Variants in TRPV3 observed in about 807,000 individuals in gnomAD.
The protein encoded by TRPV3 is VRL-3.
A neutral mutation model predicts 87.1 loss-of-function variants in TRPV3; 88 were observed. The ratio of observed to expected loss-of-function variants is 1.01; its 90% CI spans 0.85 to 1.21. TRPV3 has a LOEUF of 1.21. Among genes scored for constraint, TRPV3 ranks in the 50% most tolerant of loss-of-function variants. The pLI is 0.00. For missense variants in TRPV3, 1,054 were observed against 1,030.1 expected (o/e 1.02, Z -0.32); for synonymous variants, 438 against 423.3 (o/e 1.03, Z -0.43).
rs537488353 is a variant in TRPV3, at chr17:3,514,803, C to T, written c.2199-131G>A. The T allele has an allele frequency of 1.6e-5, 11 of 679,152 alleles. No individual in the cohort carries two copies. The South Asian group carries it at 1.9e-4, about 12-fold the overall frequency. The allele number at this position is 679,152 out of a possible 1,614,324, so 42.1% of individuals were successfully genotyped here. ...TCTGTCCTAGAGATCAGGAGCACCC[C>T]TGACCCGAGGGGTCACACCAAAGTT... On this transcript the variant is annotated intron_variant, in intron 16 of 17. Coordinates refer to ENST00000576742, the MANE Select transcript of TRPV3 (RefSeq NM_145068.4).
intron 7 of TRPV3, among the ~76,000 whole-genome samples, chr17:3,533,395 C>T (rs1255147559): frequency 6.6e-6 from 1 of 152,178 alleles, no homozygotes; most frequent in African/African-American, 2.4e-5. Context: ...CAAGTCCTTG[C>T]TCAAATGTCA....
chr17:3,530,267 C>T lies in TRPV3; in HGVS notation c.1066-64G>A, dbSNP rs978064902. On this transcript the variant is annotated intron_variant, in intron 8 of 17. Transcript: ENST00000576742. This position sits in a 1 kb window ranked among gnomAD's most constrained non-coding sequence, Gnocchi z 4.0. ...GGGGCTTAAGGCCAACAGGGCTGGA[C>T]CAGCCAGAGGCTGGCTGGGCCCAGG... 2.4e-4 allele frequency: 362 copies of T among 1,524,890 alleles called. No homozygotes were observed. The highest frequency in any genetic ancestry group is 3.1e-4 in the Non-Finnish European group (355 of 1,127,636). The allele number at this position is 1,524,890 out of a possible 1,614,324, so 94.5% of individuals were successfully genotyped here. A position where few individuals can be genotyped will look rare whatever the true frequency, so the allele number is the denominator to read the frequency against.
intron 15 of TRPV3, among the ~76,000 whole-genome samples, chr17:3,517,414 T>C (rs902068587): frequency 6.6e-6 from 1 of 151,358 alleles, no homozygotes; most frequent in East Asian, 1.9e-4. Flanking sequence ...AGCTCAGGAG[T>C]AAGCGGCCAG....
Position 3,530,259 on chromosome 17 carries a change from GGGCTGGACCAGCCAGAGGCTGGCT to G in TRPV3, c.1066-80_1066-57del. ...GCAGAACAGGGGCTTAAGGCCAACAGGGCTGGACCAGCCAGAGGCTGGCTGGGCCCAGGGGATACACCCGCCCAG... is the reference window on the plus strand; with the variant it reads ...GCAGAACAGGGGCTTAAGGCCAACAGGGGCCCAGGGGATACACCCGCCCAG... On this transcript the variant is annotated intron_variant, in intron 8 of 17. Transcript: ENST00000576742. The surrounding 1 kb of genome is among the most constrained non-coding windows in gnomAD (Gnocchi z 4.0). 6.5e-7 allele frequency: 1 copy of G among 1,541,780 alleles called. No homozygotes were observed. Among genetic ancestry groups the G allele is most frequent in the Non-Finnish European group, 8.8e-7 (1 of 1,138,786 alleles).
At chr17:3,550,922 C>G (rs2074567959) in intron 2 of TRPV3, among the ~76,000 whole-genome samples, 1 of 152,202 alleles carries the variant, frequency 6.6e-6, no homozygotes, top group Admixed American at 6.5e-5. Flanking sequence ...GATGAACCTT[C>G]CAGGGACTCC....
intron 14 of TRPV3, among the ~76,000 whole-genome samples, chr17:3,520,367 G>A (rs113660604): frequency 0.018 from 2,780 of 152,334 alleles, 50 homozygotes; most frequent in Non-Finnish European, 0.028. Context: ...AACGTGATGT[G>A]AAATCCAAAG....
intron 6 of TRPV3, among the ~76,000 whole-genome samples, chr17:3,539,968 G>A (rs932245220): frequency 1.3e-5 from 2 of 151,626 alleles, no homozygotes; most frequent in African/African-American, 2.4e-5. Flanking sequence ...CCAGCTACTT[G>A]GGATGCTGAG....
chr17:3,550,975 AC>A (rs1216133233), intron 2 of TRPV3, among the ~76,000 whole-genome samples: 3 of 152,180 alleles, frequency 2.0e-5, no homozygotes, highest in Non-Finnish European at 4.4e-5. Context: ...CATCCCAATG[AC>A]CATGTCAACC....
chr17:3,530,244 G>A lies in TRPV3; in HGVS notation c.1066-41C>T. 1 of 1,582,094 alleles carries A rather than the reference G, an allele frequency of 6.3e-7. No individual in the cohort carries two copies. Among genetic ancestry groups the A allele is most frequent in the East Asian group, 2.2e-5 (1 of 44,486 alleles). On this transcript the variant is annotated intron_variant, in intron 8 of 17. Coordinates refer to ENST00000576742, the MANE Select transcript of TRPV3 (RefSeq NM_145068.4). This position sits in a 1 kb window ranked among gnomAD's most constrained non-coding sequence, Gnocchi z 4.0. ...GAACAACCATCAGCTGCAGAACAGG[G>A]GCTTAAGGCCAACAGGGCTGGACCA...
chr17:3,537,317 C>T (rs1218776263), intron 6 of TRPV3, among the ~76,000 whole-genome samples: 1 of 152,128 alleles, frequency 6.6e-6, no homozygotes, highest in Non-Finnish European at 1.5e-5. Flanking sequence ...AACAAAGCAA[C>T]TTGTAGAATA....
chr17:3,546,781 C>CA (rs1567644436), intron 2 of TRPV3: 2 of 423,270 alleles, frequency 4.7e-6, no homozygotes, highest in South Asian at 3.3e-5. Context: ...AGTTTGAGGC[C>CA]AATGCGGCAA....
rs553587061 is a variant in TRPV3 at position 3,538,446 on chromosome 17, A to C, written c.644-2733T>G. On this transcript the variant is annotated intron_variant, in intron 6 of 17. Transcript: ENST00000576742. The stretch of plus-strand genomic sequence containing the variant: ...CCAGACTGGAAAAGAACAAAAAAAA[A>C]AAAAAAAGGATAATTTGCAGTGTTA... Among the ~76,000 whole-genome samples the C allele has an allele frequency of 8.5e-5, 13 of 152,084 alleles. No homozygotes were observed. In the South Asian group the frequency reaches 2.7e-3, roughly 32 times the overall value.
At position 3,550,776 on chromosome 17, in the gene TRPV3, G is replaced by A. The variant is rs557232184; in HGVS notation, c.119+3956C>T. 8.6e-5 allele frequency among the ~76,000 whole-genome samples: 13 copies of A among 151,936 alleles called. No homozygotes were observed. In the South Asian group the frequency reaches 2.3e-3, roughly 27 times the overall value. The stretch of plus-strand genomic sequence containing the variant: ...CCTGACCTCATGATCCACCCTCCTC[G>A]GCCTCCCAAAGTGCTGGGATTACAG... On this transcript the variant is annotated intron_variant, in intron 2 of 17. Transcript: ENST00000576742.
chr17:3,528,241 T>A lies in TRPV3; in HGVS notation c.1402-115A>T. On this transcript the variant is annotated intron_variant, in intron 10 of 17. Coordinates refer to ENST00000576742, the MANE Select transcript of TRPV3 (RefSeq NM_145068.4). This position sits in a 1 kb window ranked among gnomAD's most constrained non-coding sequence, Gnocchi z 4.2. ...ACTCAAGCCGGGCCAGAGACCAGCA[T>A]GAAACCTGATCTCTGTACAGGGCAA... The A allele has an allele frequency of 1.4e-6, 1 of 701,024 alleles. No individual in the cohort carries two copies. The highest frequency in any genetic ancestry group is 2.4e-6 in the Non-Finnish European group (1 of 421,992). The allele number at this position is 701,024 out of a possible 1,614,324, so 43.4% of individuals were successfully genotyped here.
At chr17:3,534,673 C>T (rs2074383331) in intron 7 of TRPV3, among the ~76,000 whole-genome samples, 1 of 151,650 alleles carries the variant, frequency 6.6e-6, no homozygotes, top group African/African-American at 2.4e-5. Flanking sequence ...AGCATCCTAA[C>T]CCCAATTGCT....
At chr17:3,516,145 C>T (rs1597464461) in intron 16 of TRPV3, among the ~76,000 whole-genome samples, 1 of 151,996 alleles carries the variant, frequency 6.6e-6, no homozygotes, top group East Asian at 1.9e-4. Flanking sequence ...AAGATTGCGC[C>T]ATTGCACTCC....
In TRPV3 at chr17:3,542,603, G is replaced by A. The variant is rs780626898; in HGVS notation, c.562C>T (p.Arg188Trp). The change falls in exon 6 of 18, where the codon CGG becomes TGG. Residue 188 changes from arginine to tryptophan, a missense_variant. Physicochemically the swap from Arg to Trp is moderately radical, Grantham distance 101. Coordinates refer to ENST00000576742, the MANE Select transcript of TRPV3 (RefSeq NM_145068.4). The part of the protein sequence containing the change: ...NINPNTKEIV[R>W]ILLAFAEEND... ...TCTTCAGCAAAGGCAAGCAGGATCCGCACTATCTCCTTGGTGTTGGGGTTG... is the reference window on the plus strand; with the variant it reads ...TCTTCAGCAAAGGCAAGCAGGATCCACACTATCTCCTTGGTGTTGGGGTTG... 24 of 1,613,858 alleles carry A rather than the reference G, an allele frequency of 1.5e-5. No homozygotes were observed. Among genetic ancestry groups the A allele is most frequent in the East Asian group, 6.7e-5 (3 of 44,876 alleles).
At chr17:3,555,060 A>T (rs2074614303) in intron 1 of TRPV3, among the ~76,000 whole-genome samples, 1 of 152,120 alleles carries the variant, frequency 6.6e-6, no homozygotes, top group African/African-American at 2.4e-5. Flanking sequence ...AGCACCCCCA[A>T]ATGCTATGGT....
At chr17:3,519,995 TGGATGGATGGATGGATGGAC>T (rs1254599156) in intron 14 of TRPV3, among the ~76,000 whole-genome samples, 3 of 137,634 alleles carry the variant, frequency 2.2e-5, no homozygotes, top group Admixed American at 7.3e-5. Flanking sequence ...GATGGATGGA[TGGATGGATGGATGGATGGAC>T]GGATAGACAG....
Sources: gnomAD v4.1 joint callset for allele counts (sites outside exome capture counted in the v4.1 genomes callset) on GRCh38, gnomAD v4.1.1 for gene constraint, Gnocchi (gnomAD v3.1) non-coding constraint, MANE v1.5 for transcripts, NCBI Gene and HGNC (gene_info 2026-07-23, HGNC 2026-07-21) for gene names.